The following PAK4 variants were observed in gnomAD, a reference collection of about 807,000 sequenced individuals.
PAK4 encodes the protein serine/threonine-protein kinase PAK 4.
Under a neutral mutation model 53.5 loss-of-function variants are expected in PAK4, and 49 were observed. The observed-to-expected ratio is 0.92, with a 90% CI of 0.73 to 1.16. PAK4 has a LOEUF of 1.16. Among genes scored for constraint, PAK4 ranks in the 50% most tolerant of loss-of-function variants. The pLI, the probability that PAK4 is intolerant of heterozygous loss-of-function variation, is 0.00. For synonymous variants in PAK4, 376 were observed against 375.6 expected (o/e 1.00, Z -0.01); for missense variants, 824 against 850.7 (o/e 0.97, Z 0.39).
At chr19:39,156,173 TTCCTC>T (rs1473880030) in intron 1 of PAK4, among the ~76,000 whole-genome samples, 1 of 152,142 alleles carries the variant, frequency 6.6e-6, no homozygotes, top group East Asian at 1.9e-4. Flanking sequence ...AGTGGCCCCT[TTCCTC>T]CAGCCCATGC....
chr19:39,163,613 A>C (rs1286802894), intron 1 of PAK4, among the ~76,000 whole-genome samples: 1 of 152,216 alleles, frequency 6.6e-6, no homozygotes, highest in Non-Finnish European at 1.5e-5. Context: ...CCTGTCCCGC[A>C]TGTTAAAGAA....
At position 39,176,720 on chromosome 19, in the gene PAK4, G is replaced by T; in HGVS notation, c.1485+5G>T. 4.4e-6 allele frequency: 7 copies of T among 1,607,546 alleles called. No homozygotes were observed. Among genetic ancestry groups the T allele is most frequent in the African/African-American group, 1.3e-5 (1 of 75,058 alleles). ...CGCCTTCCCTACGGGCCAGAGGTGAGCCCCGGGGTGGCTTGGTTGTCCCGC... is the reference window on the plus strand; with the variant it reads ...CGCCTTCCCTACGGGCCAGAGGTGATCCCCGGGGTGGCTTGGTTGTCCCGC... On this transcript the variant is annotated splice_donor_5th_base_variant and intron_variant, in intron 7 of 8. Transcript: ENST00000358301.
At chr19:39,163,181 G>C (rs1183486530) in intron 1 of PAK4, among the ~76,000 whole-genome samples, 1 of 152,212 alleles carries the variant, frequency 6.6e-6, no homozygotes, top group Admixed American at 6.5e-5. Context: ...GATTGTGGCA[G>C]GGTGGTGAGT....
intron 1 of PAK4, among the ~76,000 whole-genome samples, chr19:39,157,325 G>A (rs1041557971): frequency 7.2e-5 from 11 of 152,216 alleles, no homozygotes; most frequent in Admixed American, 2.0e-4. Context: ...GAGTGTCTGC[G>A]GCATTGTGTG....
chr19:39,129,190 C>T (rs991618666), intron 1 of PAK4, among the ~76,000 whole-genome samples: 1 of 152,084 alleles, frequency 6.6e-6, no homozygotes, highest in East Asian at 1.9e-4. Flanking sequence ...ATTACAGGCG[C>T]GCACACCTGC....
intron 1 of PAK4, among the ~76,000 whole-genome samples, chr19:39,146,043 G>A (rs890500365): frequency 2.6e-5 from 4 of 152,230 alleles, no homozygotes; most frequent in African/African-American, 9.6e-5. Context: ...CAAAGCCTTC[G>A]TAGAAGCTAG....
intron 2 of PAK4, among the ~76,000 whole-genome samples, chr19:39,170,329 T>C (rs1290206966): frequency 6.7e-6 from 1 of 149,998 alleles, no homozygotes; most frequent in Non-Finnish European, 1.5e-5. Flanking sequence ...AAATCACTCC[T>C]GTGAAACGCT....
At chr19:39,128,085 G>A (rs566474350) in intron 1 of PAK4, among the ~76,000 whole-genome samples, 77 of 152,288 alleles carry the variant, frequency 5.1e-4, no homozygotes, top group Non-Finnish European at 9.4e-4. Flanking sequence ...AAGCAGTGCT[G>A]GGCCAGAGAT....
intron 1 of PAK4, among the ~76,000 whole-genome samples, chr19:39,150,352 C>T (rs1403122400): frequency 1.3e-5 from 2 of 152,034 alleles, no homozygotes; most frequent in Non-Finnish European, 2.9e-5. Context: ...GAAGATGGCA[C>T]TGTGTTGGGC....
chr19:39,130,037 C>A lies in PAK4; in HGVS notation c.-23+4118C>A, dbSNP rs111340155. On this transcript the variant is annotated intron_variant, in intron 1 of 8. Transcript: ENST00000358301. Reference sequence around the variant, plus strand: ...CCTGCTGTCCCCAGACGGTGACAGCCCAGAGAGGCCAGGGCTGTGAAGGAG... The same window carrying A: ...CCTGCTGTCCCCAGACGGTGACAGCACAGAGAGGCCAGGGCTGTGAAGGAG... Among the ~76,000 whole-genome samples the A allele has an allele frequency of 9.2e-5, 13 of 140,560 alleles. 1 individual carries two copies. The highest frequency in any genetic ancestry group is 3.2e-4 in the African/African-American group (13 of 40,152). 92.2% of individuals were successfully genotyped at this position (140,560 alleles called of 152,430 possible). A position where few individuals can be genotyped will look rare whatever the true frequency, so the allele number is the denominator to read the frequency against.
At chr19:39,147,587 G>T (rs1179353306) in intron 1 of PAK4, among the ~76,000 whole-genome samples, 1 of 152,158 alleles carries the variant, frequency 6.6e-6, no homozygotes, top group South Asian at 2.1e-4. Context: ...TTCTAGAGTG[G>T]CTGTACCATG....
chr19:39,171,847 T>C (rs967615178), intron 2 of PAK4, among the ~76,000 whole-genome samples: 1 of 152,222 alleles, frequency 6.6e-6, no homozygotes, highest in Non-Finnish European at 1.5e-5. Flanking sequence ...CCTCACTCAC[T>C]ACGTGGTTTA....
chr19:39,126,808 A>T (rs1235325913), intron 1 of PAK4, among the ~76,000 whole-genome samples: 1 of 151,854 alleles, frequency 6.6e-6, no homozygotes, highest in Non-Finnish European at 1.5e-5. Context: ...GTCGTATTTC[A>T]CTCCTGCTGC....
chr19:39,146,359 G>T (rs564469986), intron 1 of PAK4, among the ~76,000 whole-genome samples: 56 of 152,246 alleles, frequency 3.7e-4, no homozygotes, highest in Admixed American at 9.8e-4. Flanking sequence ...TGGAGGAGGA[G>T]ACTTCAGAGC....
intron 1 of PAK4, among the ~76,000 whole-genome samples, chr19:39,132,855 A>G (rs1330939878): frequency 6.6e-6 from 1 of 152,258 alleles, no homozygotes; most frequent in African/African-American, 2.4e-5. Flanking sequence ...TGCCAGTCAG[A>G]TAGGTGACAA....
At chr19:39,174,115 G>A in intron 4 of PAK4, 105 bp downstream of exon 5, 1 of 764,620 alleles carries the variant, frequency 1.3e-6, no homozygotes, top group Non-Finnish European at 2.1e-6. Context: ...GCTGGGCCAG[G>A]CTCCCCTCCT....
intron 1 of PAK4, among the ~76,000 whole-genome samples, chr19:39,139,625 C>G (rs569217628): frequency 6.6e-4 from 100 of 152,288 alleles, no homozygotes; most frequent in Non-Finnish European, 1.2e-3. Context: ...TGCCCTCCCC[C>G]CACTCCATCA....
chr19:39,136,249 C>T (rs977389190), intron 1 of PAK4, among the ~76,000 whole-genome samples: 8 of 151,606 alleles, frequency 5.3e-5, no homozygotes, highest in East Asian at 2.0e-4. Flanking sequence ...CACAGTTGTC[C>T]GCACACAGCC....
chr19:39,180,330 A>AAG (rs1184311938), downstream of PAK4: 2 of 152,210 alleles, frequency 1.3e-5, no homozygotes, highest in African/African-American at 4.8e-5. Context: ...AAAAAAAAAA[A>AAG]TGCTAACATT....
Sources: allele counts gnomAD v4.1 joint callset (sites outside exome capture counted in the v4.1 genomes callset), GRCh38; gene constraint gnomAD v4.1.1; transcripts MANE v1.5; gene names NCBI Gene and HGNC (gene_info 2026-07-23, HGNC 2026-07-21).